Variants in AGK observed in about 807,000 individuals in gnomAD.
AGK encodes the protein acylglycerol kinase, mitochondrial.
AGK carries 52 observed loss-of-function variants against 66.4 expected under a neutral mutation model. That is an observed-to-expected ratio of 0.78 (90% CI 0.63 to 0.99). The LOEUF (loss-of-function observed/expected upper bound fraction) is 0.99. Ranked by LOEUF, AGK falls within the 50% of genes least tolerant of loss-of-function variation. AGK has a pLI of 0.00. For synonymous variants in AGK, 182 were observed against 181.1 expected (o/e 1.00, Z -0.04); for missense variants, 451 against 506.6 (o/e 0.89, Z 1.05).
chr7:141,562,151 G>A (rs541790200), intron 2 of AGK: 3 of 454,866 alleles, frequency 6.6e-6, no homozygotes, highest in Admixed American at 2.3e-5. Flanking sequence ...TTATGCAAGC[G>A]GTGAAGTTGT....
intron 14 of AGK, among the ~76,000 whole-genome samples, chr7:141,649,888 C>G (rs1207837598): frequency 6.6e-6 from 1 of 152,206 alleles, no homozygotes; most frequent in South Asian, 2.1e-4. Flanking sequence ...TATTGAGTAC[C>G]TTGGACATTT....
intron 2 of AGK, among the ~76,000 whole-genome samples, chr7:141,564,867 T>C (rs1161423316): frequency 6.6e-6 from 1 of 152,084 alleles, no homozygotes; most frequent in East Asian, 1.9e-4. Context: ...GTAGCTGGGA[T>C]TACAGGCATG....
At chr7:141,584,234 G>C (rs1795946913) in intron 2 of AGK, among the ~76,000 whole-genome samples, 2 of 152,142 alleles carry the variant, frequency 1.3e-5, no homozygotes, top group African/African-American at 4.8e-5. Flanking sequence ...TGGCTGGCAG[G>C]GGTGAGGGTC....
rs2117036734 is a variant in AGK at position 141,653,002 on chromosome 7, C to CCAA, written c.*81_*83dup. ...AAAGGGAACAGGTGCCTCAGCCATC[C>CCAA]CAACAGTGTCGTCAGAGGGTCCCCA... is the stretch of plus-strand genomic sequence containing the variant. On this transcript the variant is annotated 3_prime_UTR_variant, in exon 16 of 16. Coordinates refer to ENST00000649286, the MANE Select transcript of AGK (RefSeq NM_018238.4). The CCAA allele has an allele frequency of 6.4e-7, 1 of 1,567,800 alleles. No individual in the cohort carries two copies. The highest frequency in any genetic ancestry group is 2.3e-5 in the East Asian group (1 of 44,434).
chr7:141,617,950 G>A (rs1796743308), intron 8 of AGK, among the ~76,000 whole-genome samples: 1 of 152,094 alleles, frequency 6.6e-6, no homozygotes, highest in Admixed American at 6.5e-5. Context: ...ATTCCAAACT[G>A]CTGCCTACTT....
intron 2 of AGK, among the ~76,000 whole-genome samples, chr7:141,592,798 G>C (rs544571331): frequency 6.6e-6 from 1 of 152,046 alleles, no homozygotes; most frequent in African/African-American, 2.4e-5. Flanking sequence ...CTGCCTCCCA[G>C]GTTCAAGCGA....
intron 2 of AGK, among the ~76,000 whole-genome samples, chr7:141,587,388 T>C (rs1425378728): frequency 6.6e-6 from 1 of 152,190 alleles, no homozygotes; most frequent in Admixed American, 6.5e-5. Context: ...CCCTCCAAAA[T>C]GTAAACCTGG....
At chr7:141,645,923 T>C (rs1797400860) in intron 13 of AGK, among the ~76,000 whole-genome samples, 2 of 152,110 alleles carry the variant, frequency 1.3e-5, no homozygotes, top group Non-Finnish European at 2.9e-5. Context: ...ACCTTAAAAA[T>C]TGGACAAAAT....
At chr7:141,556,059 T>A (rs1795204664) in intron 2 of AGK, among the ~76,000 whole-genome samples, 1 of 152,162 alleles carries the variant, frequency 6.6e-6, no homozygotes, top group African/African-American at 2.4e-5. Context: ...ATACGTAAGA[T>A]GAACATTGGT....
rs757432409 is a variant in AGK, at chr7:141,652,929, C to T, written c.*5C>T. Reference sequence around the variant, plus strand: ...CTCACAAGCCCCACCCAGTGAGCAGCAGAAGACAAGCACTCTGAGACCACA... The same window carrying T: ...CTCACAAGCCCCACCCAGTGAGCAGTAGAAGACAAGCACTCTGAGACCACA... On this transcript the variant is annotated 3_prime_UTR_variant, in exon 16 of 16. Transcript: ENST00000649286. 6.2e-7 allele frequency: 1 copy of T among 1,613,766 alleles called. No individual in the cohort carries two copies. The highest frequency in any genetic ancestry group is 1.1e-5 in the South Asian group (1 of 91,060).
intron 1 of AGK, among the ~76,000 whole-genome samples, chr7:141,554,976 G>A (rs1400714169): frequency 6.6e-6 from 1 of 152,068 alleles, no homozygotes; most frequent in African/African-American, 2.4e-5. Flanking sequence ...TTCCTATTGA[G>A]GACCTGGTAT....
intron 5 of AGK, among the ~76,000 whole-genome samples, chr7:141,605,607 G>C (rs1796439922): frequency 6.6e-6 from 1 of 152,102 alleles, no homozygotes; most frequent in African/African-American, 2.4e-5. Context: ...TCAGTGGCAG[G>C]GTACCTAGCC....
chr7:141,632,230 TAA>T (rs796882982), intron 9 of AGK, among the ~76,000 whole-genome samples: 6 of 127,110 alleles, frequency 4.7e-5, no homozygotes, highest in Non-Finnish European at 5.1e-5. Context: ...AAACTCCGTC[TAA>T]AAAAAAAAAA....
intron 2 of AGK, among the ~76,000 whole-genome samples, chr7:141,569,993 G>A (rs1034326344): frequency 1.3e-5 from 2 of 152,156 alleles, no homozygotes; most frequent in Non-Finnish European, 2.9e-5. Context: ...GTGACGTTGG[G>A]CAAGTTATTT....
chr7:141,571,559 T>C (rs1484002161), intron 2 of AGK, among the ~76,000 whole-genome samples: 1 of 152,222 alleles, frequency 6.6e-6, no homozygotes, highest in Non-Finnish European at 1.5e-5. Flanking sequence ...AGGCATATAT[T>C]GTCTAGGTGT....
intron 2 of AGK, among the ~76,000 whole-genome samples, chr7:141,572,567 G>A (rs575705387): frequency 6.6e-6 from 1 of 152,260 alleles, no homozygotes; most frequent in African/African-American, 2.4e-5. Context: ...TGTGTCAAGT[G>A]CCTGGTACTG....
At chr7:141,606,104 GTTCATTTGTTTA>G in intron 5 of AGK, among the ~76,000 whole-genome samples, 1 of 152,094 alleles carries the variant, frequency 6.6e-6, no homozygotes, top group Non-Finnish European at 1.5e-5. Context: ...TCATTTACTT[GTTCATTTGTTTA>G]TTCATTCCCA....
intron 13 of AGK, among the ~76,000 whole-genome samples, chr7:141,647,922 C>T (rs371627802): frequency 2.0e-5 from 3 of 152,198 alleles, no homozygotes; most frequent in Non-Finnish European, 2.9e-5. Context: ...CCGCCCGCCT[C>T]GGCCTCCCAA....
In AGK at chr7:141,636,965, G is replaced by T. The variant is rs1286558750; in HGVS notation, c.674G>T (p.Trp225Leu). ...RDAGVKVSKY[W>L]YLGPLKIKAA... ...TTATCTTGGTCTTTTCACAGGTACT[G>T]GTATCTTGGGCCTCTAAAAATCAAA... The change falls in exon 11 of 16, where the codon TGG becomes TTG. Residue 225 changes from tryptophan to leucine, a missense_variant. By Grantham distance (61) the Trp-to-Leu change is moderately conservative (BLOSUM62 -2). Transcript: ENST00000649286. 6.2e-7 allele frequency: 1 copy of T among 1,611,836 alleles called. No individual in the cohort carries two copies. The highest frequency in any genetic ancestry group is 1.1e-5 in the South Asian group (1 of 90,852).
Sources: gnomAD v4.1 joint callset for allele counts (sites outside exome capture counted in the v4.1 genomes callset) on GRCh38, gnomAD v4.1.1 for gene constraint, MANE v1.5 for transcripts, NCBI Gene and HGNC (gene_info 2026-07-23, HGNC 2026-07-21) for gene names.